MARK3: variants seen among roughly 807,000 people sequenced by gnomAD.
The protein encoded by MARK3 is MAP/microtubule affinity-regulating kinase 3.
Under a neutral mutation model 90.1 loss-of-function variants are expected in MARK3, and 46 were observed. The observed-to-expected ratio is 0.51, with a 90% confidence interval of 0.40 to 0.65. The LOEUF (loss-of-function observed/expected upper bound fraction) is 0.65. Among genes scored for constraint, MARK3 ranks in the 30% least tolerant of loss-of-function variants. MARK3 has a pLI of 0.00. For synonymous variants in MARK3, 321 were observed against 332.6 expected (o/e 0.97, Z 0.38); for missense variants, 818 against 947.2 (o/e 0.86, Z 1.79).
At chr14:103,487,003 C>T (rs978319635) in intron 14 of MARK3, among the ~76,000 whole-genome samples, 3 of 151,834 alleles carry the variant, frequency 2.0e-5, no homozygotes, top group Non-Finnish European at 2.9e-5. Context: ...CTGCAGCTAC[C>T]ACCCCCGGGT....
intron 6 of MARK3, among the ~76,000 whole-genome samples, chr14:103,457,742 A>G (rs1001238767): frequency 6.6e-6 from 1 of 152,226 alleles, no homozygotes; most frequent in African/African-American, 2.4e-5. Context: ...ACTGTTATCT[A>G]TTGACCATGC....
At chr14:103,429,113 A>C (rs1366826239) in intron 3 of MARK3, 1 of 152,258 alleles carries the variant, frequency 6.6e-6, no homozygotes, top group African/African-American at 2.4e-5. Flanking sequence ...TCAGCAAATA[A>C]TTAATGATCT....
Position 103,468,016 on chromosome 14 carries a change from T to A in MARK3, c.1111-17T>A. ...GTTCGTGTTGTGGTTTGCTCTGTTT[T>A]TCTCATTTTCTCTTAGCTGGATGCT... is the stretch of plus-strand genomic sequence containing the variant. On this transcript the variant is annotated splice_polypyrimidine_tract_variant and intron_variant, in intron 11 of 17. Transcript: ENST00000429436. 6.2e-7 allele frequency: 1 copy of A among 1,609,930 alleles called. No individual in the cohort carries two copies.
At chr14:103,464,789 C>G (rs982218570) in intron 7 of MARK3, among the ~76,000 whole-genome samples, 1 of 151,964 alleles carries the variant, frequency 6.6e-6, no homozygotes, top group Non-Finnish European at 1.5e-5. Context: ...CTCAAACTCC[C>G]AGGCTTAAGA....
intron 1 of MARK3, among the ~76,000 whole-genome samples, chr14:103,403,243 T>G (rs1468583825): frequency 1.3e-5 from 2 of 152,008 alleles, no homozygotes; most frequent in South Asian, 2.1e-4. Context: ...ATTGCACAGA[T>G]AGTAAAACCA....
chr14:103,409,511 T>G lies in MARK3; in HGVS notation c.243+4244T>G, dbSNP rs531588683. 9.2e-4 allele frequency among the ~76,000 whole-genome samples: 139 copies of G among 151,418 alleles called. 2 individuals are homozygous for G. Among genetic ancestry groups the G allele is most frequent in the African/African-American group, 3.3e-3 (138 of 41,310 alleles). On this transcript the variant is annotated intron_variant, in intron 2 of 17. Coordinates refer to ENST00000429436, the MANE Select transcript of MARK3 (RefSeq NM_001128918.3). ...CATTTTACTCTTGTGGGGTTTTTTT[T>G]GCCTATTGTAGATATGACATATAAA... is the stretch of plus-strand genomic sequence containing the variant.
chr14:103,453,413 T>C (rs1371100300), intron 5 of MARK3, among the ~76,000 whole-genome samples: 1 of 152,200 alleles, frequency 6.6e-6, no homozygotes, highest in African/African-American at 2.4e-5. Flanking sequence ...CATTAGCACT[T>C]TGATCCATGT....
chr14:103,453,562 T>C (rs2093205245), intron 5 of MARK3, among the ~76,000 whole-genome samples: 1 of 152,244 alleles, frequency 6.6e-6, no homozygotes, highest in South Asian at 2.1e-4. Flanking sequence ...TTTATACTCC[T>C]AATTCATTAT....
chr14:103,455,850 T>C (rs1305907711), intron 5 of MARK3, among the ~76,000 whole-genome samples: 1 of 152,204 alleles, frequency 6.6e-6, no homozygotes, highest in East Asian at 1.9e-4. Context: ...CAGATAATTG[T>C]GTAATTCATG....
At chr14:103,494,358 C>T (rs564445464) in intron 15 of MARK3, among the ~76,000 whole-genome samples, 69 of 151,668 alleles carry the variant, frequency 4.5e-4, no homozygotes, top group Non-Finnish European at 7.9e-4. Context: ...TTGAGACCAT[C>T]CTAGCCAACA....
chr14:103,390,078 G>C (rs991825177), intron 1 of MARK3, among the ~76,000 whole-genome samples: 46 of 151,290 alleles, frequency 3.0e-4, no homozygotes, highest in African/African-American at 1.0e-3. Context: ...GAAACCCTGT[G>C]TCTACCAAAA....
At chr14:103,500,343 G>A (rs1370230528) in intron 17 of MARK3, 143 bp downstream of exon 17, 27 of 612,486 alleles carry the variant, frequency 4.4e-5, no homozygotes, top group Admixed American at 3.8e-4. Context: ...ACAAGGGGGC[G>A]CCAGCCTGCC....
Position 103,476,879 on chromosome 14 carries a change from G to C in MARK3, c.1482+1669G>C, listed in dbSNP as rs78029728. ...TATTTTGGCCTCCAAATGCCATACA[G>C]TAGGATTATTGTTTCCATACTCCTG... On this transcript the variant is annotated intron_variant, in intron 13 of 17. Transcript: ENST00000429436. Among the ~76,000 whole-genome samples the C allele has an allele frequency of 4.7e-4, 72 of 152,300 alleles. No homozygotes were observed. In the East Asian group the frequency reaches 9.4e-3, roughly 20 times the overall value.
At chr14:103,439,994 A>G (rs533529235) in intron 3 of MARK3, among the ~76,000 whole-genome samples, 27 of 152,092 alleles carry the variant, frequency 1.8e-4, no homozygotes, top group Admixed American at 9.8e-4. Context: ...CACGTTGGCC[A>G]GGCTGGTCTC....
intron 12 of MARK3, among the ~76,000 whole-genome samples, chr14:103,470,364 A>G (rs1051936765): frequency 4.6e-5 from 7 of 151,494 alleles, no homozygotes; most frequent in African/African-American, 1.5e-4. Context: ...TCCTGAGGCT[A>G]GCGTGTGTGT....
In MARK3 at chr14:103,427,164, C is replaced by CTT. The variant is rs71126020; in HGVS notation, c.244-1212_244-1211dup. On this transcript the variant is annotated intron_variant, in intron 2 of 17. Transcript: ENST00000429436. ...TTTATTAGTTTGAAGCCCCAATTTT[C>CTT]TTTTTTTTTTTTCTTTTAAGTGAAA... Among the ~76,000 whole-genome samples the CTT allele has an allele frequency of 4.8e-3, 699 of 145,068 alleles. 8 individuals carry two copies. The highest frequency in any genetic ancestry group is 0.022 in the South Asian group (101 of 4,652).
intron 5 of MARK3, among the ~76,000 whole-genome samples, chr14:103,456,087 ATAAT>A (rs747178535): frequency 1.3e-5 from 2 of 152,178 alleles, no homozygotes; most frequent in East Asian, 1.9e-4. Flanking sequence ...TCTTCCCTAA[ATAAT>A]TAATGTTGTG....
chr14:103,487,568 C>T (rs371175037), intron 14 of MARK3, among the ~76,000 whole-genome samples: 2 of 152,026 alleles, frequency 1.3e-5, no homozygotes, highest in African/African-American at 4.8e-5. Context: ...TTTGTATTCA[C>T]CAGGGAAAGG....
At chr14:103,470,774 T>A (rs2093613535) in intron 12 of MARK3, among the ~76,000 whole-genome samples, 1 of 151,986 alleles carries the variant, frequency 6.6e-6, no homozygotes, top group Non-Finnish European at 1.5e-5. Flanking sequence ...ATTTCTCTTC[T>A]CTGGACATTT....
Sources: gnomAD v4.1 joint callset for allele counts (sites outside exome capture counted in the v4.1 genomes callset) on GRCh38, gnomAD v4.1.1 for gene constraint, MANE v1.5 for transcripts, NCBI Gene and HGNC (gene_info 2026-07-23, HGNC 2026-07-21) for gene names.